The following CEP85L variants were observed in gnomAD, a reference collection of about 807,000 sequenced individuals.
The protein encoded by CEP85L is centrosomal protein 85L, also known as centrosomal protein of 85 kDa-like.
Under a neutral mutation model 100.3 loss-of-function variants are expected in CEP85L, and 60 were observed. The observed-to-expected ratio is 0.60, with a 90% CI of 0.49 to 0.74. The LOEUF (loss-of-function observed/expected upper bound fraction) is 0.74. Ranked by LOEUF, CEP85L falls within the 30% of genes least tolerant of loss-of-function variation. The pLI is 0.00. For missense variants in CEP85L, 973 were observed against 936.2 expected (o/e 1.04, Z -0.51); for synonymous variants, 319 against 322.7 (o/e 0.99, Z 0.12).
chr6:118,567,977 C>T (rs530465321), intron 2 of CEP85L, among the ~76,000 whole-genome samples: 1 of 152,316 alleles, frequency 6.6e-6, no homozygotes, highest in South Asian at 2.1e-4. Flanking sequence ...GACTCCAACC[C>T]TCCCAAAATA....
At chr6:118,600,993 T>C (rs925836805) in intron 2 of CEP85L, among the ~76,000 whole-genome samples, 1 of 152,214 alleles carries the variant, frequency 6.6e-6, no homozygotes, top group African/African-American at 2.4e-5. Context: ...GCATATAAAG[T>C]TGTTTCTTAT....
intron 4 of CEP85L, among the ~76,000 whole-genome samples, chr6:118,521,765 C>T (rs1381678119): frequency 1.3e-5 from 2 of 152,138 alleles, no homozygotes; most frequent in Non-Finnish European, 2.9e-5. Context: ...AGCCATCCTG[C>T]CGTGGCCCAT....
At chr6:118,543,400 T>C (rs1227083818) in intron 3 of CEP85L, among the ~76,000 whole-genome samples, 1 of 152,184 alleles carries the variant, frequency 6.6e-6, no homozygotes, top group African/African-American at 2.4e-5. Context: ...AAAAATATCT[T>C]ATTGAGCCTT....
intron 5 of CEP85L, chr6:118,502,535 T>C: frequency 2.0e-6 from 1 of 487,940 alleles, no homozygotes; most frequent in Non-Finnish European, 3.9e-6. Flanking sequence ...ACTCTAATAC[T>C]CAAGATAGGC....
intron 2 of CEP85L, among the ~76,000 whole-genome samples, chr6:118,631,727 A>G (rs1275492612): frequency 6.6e-6 from 1 of 152,228 alleles, no homozygotes; most frequent in East Asian, 1.9e-4. Flanking sequence ...TTATGATTCC[A>G]TTTATAAAGT....
At chr6:118,614,902 A>AGATAGATT (rs1453301696) in intron 2 of CEP85L, among the ~76,000 whole-genome samples, 2 of 150,280 alleles carry the variant, frequency 1.3e-5, no homozygotes, top group Non-Finnish European at 2.9e-5. Flanking sequence ...ATAGATAGAT[A>AGATAGATT]GATAGATTTT....
intron 1 of CEP85L, among the ~76,000 whole-genome samples, chr6:118,705,022 T>C (rs1408062568): frequency 6.6e-6 from 1 of 152,164 alleles, no homozygotes; most frequent in African/African-American, 2.4e-5. Context: ...CCACATCTGT[T>C]TTACTCCCTT....
intron 5 of CEP85L, among the ~76,000 whole-genome samples, 158 bp from the exon 6 acceptor site, chr6:118,492,023 C>T (rs1220997868): frequency 6.6e-6 from 1 of 152,072 alleles, no homozygotes; most frequent in African/African-American, 2.4e-5. Flanking sequence ...TAGTTATGTA[C>T]CATAATTAAA....
At chr6:118,466,953 A>T (rs1215901014) in intron 12 of CEP85L, among the ~76,000 whole-genome samples, 1 of 152,146 alleles carries the variant, frequency 6.6e-6, no homozygotes. Flanking sequence ...ATAGCACTCA[A>T]TCATCATCAA....
intron 12 of CEP85L, among the ~76,000 whole-genome samples, chr6:118,466,847 T>C (rs1476534751): frequency 6.6e-6 from 1 of 152,004 alleles, no homozygotes; most frequent in East Asian, 1.9e-4. Flanking sequence ...GAGAGACCAG[T>C]ATAGGTGACG....
chr6:118,579,945 ACCCCCACATAT>A (rs1427185482), intron 2 of CEP85L, among the ~76,000 whole-genome samples: 1 of 152,056 alleles, frequency 6.6e-6, no homozygotes, highest in African/African-American at 2.4e-5. Flanking sequence ...CATCATGGCC[ACCCCCACATAT>A]CCCCACGTGT....
At chr6:118,468,024 G>A (rs1772659365) in intron 12 of CEP85L, among the ~76,000 whole-genome samples, 2 of 152,200 alleles carry the variant, frequency 1.3e-5, no homozygotes, top group Admixed American at 1.3e-4. Context: ...CTTACTTAGT[G>A]TCTGGACCAT....
intron 5 of CEP85L, 131 bp from the exon 6 acceptor site, chr6:118,491,996 C>T: frequency 3.6e-6 from 2 of 557,330 alleles, no homozygotes; most frequent in East Asian, 3.3e-5. Flanking sequence ...GATTTAAATT[C>T]CAGCTATCTT....
chr6:118,590,534 T>C (rs1358142494), intron 2 of CEP85L, among the ~76,000 whole-genome samples: 1 of 152,158 alleles, frequency 6.6e-6, no homozygotes, highest in African/African-American at 2.4e-5. Flanking sequence ...GACCCTTTTT[T>C]TGGCGGGTTA....
intron 2 of CEP85L, among the ~76,000 whole-genome samples, chr6:118,603,739 G>C (rs1015734440): frequency 1.3e-5 from 2 of 152,206 alleles, no homozygotes; most frequent in Non-Finnish European, 2.9e-5. Context: ...TGAGAGTTCT[G>C]AAAGTTTTTT....
chr6:118,484,391 T>C (rs960514336), intron 6 of CEP85L, among the ~76,000 whole-genome samples: 3 of 152,152 alleles, frequency 2.0e-5, no homozygotes, highest in Non-Finnish European at 4.4e-5. Flanking sequence ...TTAGGGAATA[T>C]TTGCTTTTAC....
intron 8 of CEP85L, among the ~76,000 whole-genome samples, chr6:118,481,255 A>T (rs1773762184): frequency 6.6e-6 from 1 of 151,718 alleles, no homozygotes; most frequent in Non-Finnish European, 1.5e-5. Context: ...TTTTTTTATA[A>T]AGCCATTAGG....
At chr6:118,653,745 G>A (rs916622934), upstream of CEP85L, among the ~76,000 whole-genome samples, 1 of 126,034 alleles carries the variant, frequency 7.9e-6, no homozygotes, top group African/African-American at 3.0e-5. Flanking sequence ...TAGTGACTCT[G>A]TGTATGTGTG....
At chr6:118,576,051 T>C (rs1780210155) in intron 2 of CEP85L, among the ~76,000 whole-genome samples, 1 of 151,960 alleles carries the variant, frequency 6.6e-6, no homozygotes, top group African/African-American at 2.4e-5. Flanking sequence ...AGAAATAAAA[T>C]GGGAATATTA....
Sources: allele counts gnomAD v4.1 joint callset (sites outside exome capture counted in the v4.1 genomes callset), GRCh38; gene constraint gnomAD v4.1.1; transcripts MANE v1.5; gene names NCBI Gene and HGNC (gene_info 2026-07-23, HGNC 2026-07-21).